The following YEATS2 variants were observed in gnomAD, a reference collection of about 807,000 sequenced individuals.
YEATS2 encodes YEATS domain containing 2, also known as YEATS domain-containing protein 2.
In YEATS2, 77 loss-of-function variants were observed where a neutral mutation model predicts 163.2. The observed-to-expected ratio is 0.47, with a 90% CI of 0.39 to 0.57. The LOEUF (loss-of-function observed/expected upper bound fraction) is 0.57. YEATS2 is among the 20% of genes least tolerant of loss of function. YEATS2 has a pLI of 0.00. For synonymous variants in YEATS2, 631 were observed against 645.1 expected, an observed-to-expected ratio of 0.98 and a Z score of 0.33; for missense variants, 1,549 against 1,729.8, an observed-to-expected ratio of 0.90 and a Z score of 1.85.
chr3:183,774,520 A>C (rs910948304), intron 17 of YEATS2, among the ~76,000 whole-genome samples: 5 of 152,010 alleles, frequency 3.3e-5, no homozygotes, highest in Non-Finnish European at 7.4e-5. Flanking sequence ...TGTATTCCTT[A>C]CTTCTGCTAG....
Position 183,777,615 on chromosome 3 carries a change from G to C in YEATS2, c.2651G>C (p.Gly884Ala), listed in dbSNP as rs1454475923. The C allele has an allele frequency of 2.5e-6, 4 of 1,613,964 alleles. No homozygotes were observed. The African/African-American group carries it at 5.3e-5, about 22-fold the overall frequency. Reference protein sequence around the residue: ...KQLTTGSVVQGTLGVSTSSAQ... With the variant: ...KQLTTGSVVQATLGVSTSSAQ... ...CTCACCACTGGGTCAGTGGTCCAAG[G>C]AACACTGGGAGTCAGCACATCTTCT... Residue 884 changes from glycine (G) to alanine (A), a missense_variant, in exon 19 of 31, where the codon GGA (glycine) becomes GCA (alanine). Transcript: ENST00000305135.
chr3:183,765,446 C>T (rs796343297), intron 15 of YEATS2, among the ~76,000 whole-genome samples: 3 of 152,182 alleles, frequency 2.0e-5, no homozygotes, highest in African/African-American at 7.2e-5. Context: ...ATAGGTGGGT[C>T]TGTGCCACAA....
chr3:183,795,455 ATTTTTTTTTTTTTTTTT>A (rs573338439), intron 21 of YEATS2, among the ~76,000 whole-genome samples: 1 of 79,900 alleles, frequency 1.3e-5, no homozygotes, highest in Non-Finnish European at 2.7e-5. Context: ...CACGGGACTA[ATTTTTTTTTTTTTTTTT>A]TTTTTTTTTT....
At chr3:183,803,677 A>G in intron 26 of YEATS2, 1 of 481,312 alleles carries the variant, frequency 2.1e-6, no homozygotes. Flanking sequence ...AGACCAGGTG[A>G]AGATCCTTAC....
At chr3:183,795,483 T>TTAA (rs146253574) in intron 21 of YEATS2, among the ~76,000 whole-genome samples, 2 of 123,948 alleles carry the variant, frequency 1.6e-5, no homozygotes, top group East Asian at 2.5e-4. Context: ...TTTTTTTTTT[T>TTAA]AGAGACGGGG....
intron 16 of YEATS2, 146 bp from the exon 17 acceptor site, chr3:183,773,487 T>G (rs928087537): frequency 1.3e-6 from 1 of 783,670 alleles, no homozygotes; most frequent in African/African-American, 1.8e-5. Context: ...TATCAGTCTT[T>G]AAAGCATTGT....
At chr3:183,753,821 A>G (rs1172262958) in intron 10 of YEATS2, among the ~76,000 whole-genome samples, 1 of 152,192 alleles carries the variant, frequency 6.6e-6, no homozygotes, top group Non-Finnish European at 1.5e-5. Context: ...TTTCTTCTCT[A>G]AACAGTTTTT....
chr3:183,787,445 T>G (rs1724171287), intron 20 of YEATS2, among the ~76,000 whole-genome samples: 1 of 152,182 alleles, frequency 6.6e-6, no homozygotes, highest in African/African-American at 2.4e-5. Flanking sequence ...TGGTTTTGAT[T>G]TGCGATTCCC....
intron 7 of YEATS2, among the ~76,000 whole-genome samples, chr3:183,733,712 C>A (rs1718048885): frequency 6.6e-6 from 1 of 152,210 alleles, no homozygotes; most frequent in African/African-American, 2.4e-5. Context: ...CACCCTGAAT[C>A]TCTTCATCAC....
At chr3:183,710,894 A>G (rs1715128059) in intron 1 of YEATS2, among the ~76,000 whole-genome samples, 1 of 152,194 alleles carries the variant, frequency 6.6e-6, no homozygotes, top group Non-Finnish European at 1.5e-5. Flanking sequence ...ATAATCTCCT[A>G]TGACTCTTGG....
chr3:183,804,121 C>T lies in YEATS2; in HGVS notation c.3717C>T (p.Asp1239=). The T allele has an allele frequency of 6.2e-7, 1 of 1,614,172 alleles. No homozygotes were observed. Among genetic ancestry groups the T allele is most frequent in the Non-Finnish European group, 8.5e-7 (1 of 1,180,030 alleles). Residue 1239 remains aspartate, a synonymous_variant, in exon 27 of 31, where the codon GAC becomes GAT. Transcript: ENST00000305135. The part of the protein sequence containing the change: ...WCRCHGYTPP[D]PESLRNDGDS... The stretch of plus-strand genomic sequence containing the variant: ...GCTGTCATGGCTACACCCCACCGGA[C>T]CCTGAGAGCCTGAGGAATGACGGGG...
intron 15 of YEATS2, among the ~76,000 whole-genome samples, chr3:183,767,981 T>G (rs1176489352): frequency 6.6e-6 from 1 of 152,248 alleles, no homozygotes; most frequent in African/African-American, 2.4e-5. Context: ...AGTTATTTGC[T>G]TTCTTTGTTT....
intron 23 of YEATS2, among the ~76,000 whole-genome samples, chr3:183,799,978 G>A (rs1003940784): frequency 7.2e-5 from 11 of 151,866 alleles, no homozygotes; most frequent in African/African-American, 1.4e-4. Context: ...GACTACAGGC[G>A]CCCGCCACCA....
intron 8 of YEATS2, among the ~76,000 whole-genome samples, chr3:183,741,265 A>G (rs531416841): frequency 6.6e-6 from 1 of 152,056 alleles, no homozygotes; most frequent in Admixed American, 6.5e-5. Flanking sequence ...AATTGAAACC[A>G]GCGCTTATTT....
intron 19 of YEATS2, among the ~76,000 whole-genome samples, chr3:183,780,819 G>T (rs1723496092): frequency 6.6e-6 from 1 of 152,124 alleles, no homozygotes; most frequent in South Asian, 2.1e-4. Flanking sequence ...GCTTAATTCT[G>T]TATCATTGAG....
intron 1 of YEATS2, among the ~76,000 whole-genome samples, chr3:183,700,770 C>CAAAAAAAAAAA (rs774835127): frequency 2.6e-5 from 1 of 37,754 alleles, no homozygotes; most frequent in Middle Eastern, 0.013. Context: ...GACTTCGTCT[C>CAAAAAAAAAAA]AAAAAAAAAA....
At chr3:183,766,154 G>A (rs1662050348) in intron 15 of YEATS2, among the ~76,000 whole-genome samples, 1 of 152,210 alleles carries the variant, frequency 6.6e-6, no homozygotes, top group African/African-American at 2.4e-5. Context: ...GAAGGAGCAT[G>A]AGCTTTGCAG....
chr3:183,742,761 C>T (rs1344096374), intron 8 of YEATS2, among the ~76,000 whole-genome samples: 2 of 152,218 alleles, frequency 1.3e-5, no homozygotes, highest in Non-Finnish European at 2.9e-5. Context: ...GGATAAAACA[C>T]TGTCAAACAG....
chr3:183,734,144 G>C (rs1398789752), intron 7 of YEATS2, among the ~76,000 whole-genome samples: 1 of 152,212 alleles, frequency 6.6e-6, no homozygotes, highest in Non-Finnish European at 1.5e-5. Context: ...AGCCACATTA[G>C]AGAAGTAAGT....
Sources: gnomAD v4.1 joint callset for allele counts (sites outside exome capture counted in the v4.1 genomes callset) on GRCh38, gnomAD v4.1.1 for gene constraint, MANE v1.5 for transcripts, NCBI Gene and HGNC (gene_info 2026-07-23, HGNC 2026-07-21) for gene names.